CSMD1: variants seen among roughly 807,000 people sequenced by gnomAD.
The protein encoded by CSMD1 is CUB and Sushi multiple domains 1, also known as CUB and sushi domain-containing protein 1.
Under a neutral mutation model 417.5 loss-of-function variants are expected in CSMD1, and 213 were observed. That is an observed-to-expected ratio of 0.51 (90% CI 0.46 to 0.57). The LOEUF is 0.57. Among genes scored for constraint, CSMD1 ranks in the 20% least tolerant of loss-of-function variants. The pLI, the probability that CSMD1 is intolerant of heterozygous loss-of-function variation, is 0.00. For synonymous variants in CSMD1, 2,862 were observed against 1,736.8 expected, an observed-to-expected ratio of 1.65 and a Z score of -16.11; for missense variants, 6,923 against 4,529.7, an observed-to-expected ratio of 1.53 and a Z score of -15.17.
chr8:3,587,313 A>G (rs528653462), intron 8 of CSMD1, among the ~76,000 whole-genome samples: 20 of 152,342 alleles, frequency 1.3e-4, no homozygotes, highest in African/African-American at 4.8e-4. Flanking sequence ...GGCTTCTGGC[A>G]TTGAATTAAA....
At chr8:4,990,983 C>T (rs956910207) in intron 1 of CSMD1, among the ~76,000 whole-genome samples, 2 of 152,096 alleles carry the variant, frequency 1.3e-5, no homozygotes, top group South Asian at 2.1e-4. Flanking sequence ...AATGTTCCAC[C>T]TTTCTCTTTC....
intron 26 of CSMD1, among the ~76,000 whole-genome samples, chr8:3,274,612 C>T (rs1220951548): frequency 1.3e-5 from 2 of 152,008 alleles, no homozygotes; most frequent in East Asian, 3.9e-4. Flanking sequence ...CTGGGTGCTC[C>T]TGTATTGGGT....
chr8:4,200,900 C>T (rs542416881), intron 3 of CSMD1, among the ~76,000 whole-genome samples: 1 of 152,238 alleles, frequency 6.6e-6, no homozygotes, highest in South Asian at 2.1e-4. Context: ...TTAAGAAACG[C>T]TAAGCTAGTT....
intron 1 of CSMD1, among the ~76,000 whole-genome samples, chr8:4,899,850 T>C (rs1804752181): frequency 6.6e-6 from 1 of 152,156 alleles, no homozygotes; most frequent in East Asian, 1.9e-4. Context: ...TGCAGATAGC[T>C]TTTTCTCTGG....
At chr8:4,156,625 GT>G (rs1796848833) in intron 3 of CSMD1, among the ~76,000 whole-genome samples, 1 of 151,994 alleles carries the variant, frequency 6.6e-6, no homozygotes, top group African/African-American at 2.4e-5. Flanking sequence ...GGAAACAGTA[GT>G]TTTTGCTATT....
intron 5 of CSMD1, among the ~76,000 whole-genome samples, chr8:3,891,679 T>C (rs1276076966): frequency 5.3e-5 from 6 of 113,478 alleles, no homozygotes; most frequent in Admixed American, 2.2e-4. Context: ...CAAGACCTTG[T>C]CTCAAAACGA....
intron 23 of CSMD1, among the ~76,000 whole-genome samples, chr8:3,339,388 G>A (rs117483011): frequency 0.037 from 5,584 of 152,158 alleles, 133 homozygotes; most frequent in Non-Finnish European, 0.056. Context: ...TAAGAGCCAA[G>A]GGTAGGGGGG....
At chr8:3,517,364 G>A (rs965957396) in intron 10 of CSMD1, among the ~76,000 whole-genome samples, 2 of 152,190 alleles carry the variant, frequency 1.3e-5, no homozygotes, top group Non-Finnish European at 2.9e-5. Flanking sequence ...CTATAGTGGT[G>A]TTATTAAGTG....
Position 3,108,613 on chromosome 8 carries a change from G to T in CSMD1, c.6744C>A (p.Leu2248=). 2 of 1,613,714 alleles carry T rather than the reference G, an allele frequency of 1.2e-6. No individual in the cohort carries two copies. The highest frequency in any genetic ancestry group is 1.1e-5 in the South Asian group (1 of 90,982). ...SDFSNGGFFV[L]NFHAFQLKKC... ...TGAAAATCAACTGACCGTGGAAATT[G>T]AGGACAAAGAAGCCTCCATTTGAAA... is the stretch of plus-strand genomic sequence containing the variant. The change falls in exon 44 of 70, where the codon CTC becomes CTA. Residue 2248 remains leucine (L), a synonymous_variant. Transcript: ENST00000635120.
chr8:3,603,686 C>T (rs571101569), intron 8 of CSMD1, among the ~76,000 whole-genome samples: 2 of 152,140 alleles, frequency 1.3e-5, no homozygotes, highest in Non-Finnish European at 2.9e-5. Flanking sequence ...TTTAAAATTC[C>T]CTCTTGTATT....
At chr8:3,031,723 C>A (rs77588702) in intron 50 of CSMD1, among the ~76,000 whole-genome samples, 1 of 151,906 alleles carries the variant, frequency 6.6e-6, no homozygotes, top group African/African-American at 2.4e-5. Context: ...GTTCACACAA[C>A]GGAATCAGAC....
At chr8:4,007,048 C>G (rs553338969) in intron 4 of CSMD1, among the ~76,000 whole-genome samples, 182 of 152,048 alleles carry the variant, frequency 1.2e-3, no homozygotes, top group African/African-American at 4.2e-3. Flanking sequence ...CCGTGTTAGC[C>G]AGGATGGTCT....
chr8:4,968,322 T>C (rs1810013174), intron 1 of CSMD1, among the ~76,000 whole-genome samples: 3 of 152,046 alleles, frequency 2.0e-5, no homozygotes, highest in African/African-American at 7.2e-5. Context: ...TTAAGAACAT[T>C]CACAAGATTG....
At chr8:3,596,140 G>T (rs769665762) in intron 8 of CSMD1, among the ~76,000 whole-genome samples, 2 of 152,174 alleles carry the variant, frequency 1.3e-5, no homozygotes, top group South Asian at 4.1e-4. Context: ...CTCGAGGGAG[G>T]AAACAGTGAG....
At chr8:4,806,250 G>A (rs560509108) in intron 1 of CSMD1, among the ~76,000 whole-genome samples, 22 of 152,264 alleles carry the variant, frequency 1.4e-4, no homozygotes, top group African/African-American at 4.8e-4. Flanking sequence ...TGAGGATCAT[G>A]CAGTGTGCAC....
chr8:3,498,095 T>C (rs984657598), intron 10 of CSMD1, among the ~76,000 whole-genome samples: 1 of 152,202 alleles, frequency 6.6e-6, no homozygotes, highest in South Asian at 2.1e-4. Context: ...TTTCTTCTTC[T>C]TTTTTCTTTC....
intron 12 of CSMD1, among the ~76,000 whole-genome samples, chr8:3,409,855 G>C (rs574551165): frequency 2.0e-5 from 3 of 152,252 alleles, no homozygotes; most frequent in Non-Finnish European, 2.9e-5. Flanking sequence ...ACACAGATAC[G>C]CTGACAACAC....
intron 3 of CSMD1, among the ~76,000 whole-genome samples, chr8:4,369,106 C>T (rs1802256973): frequency 1.3e-5 from 2 of 152,112 alleles, no homozygotes; most frequent in South Asian, 4.1e-4. Context: ...TTCCTCTTAA[C>T]ACTGATTTAG....
At chr8:4,858,938 A>G (rs915754265) in intron 1 of CSMD1, among the ~76,000 whole-genome samples, 4 of 151,152 alleles carry the variant, frequency 2.6e-5, no homozygotes, top group African/African-American at 9.7e-5. Context: ...ATGGAACCAA[A>G]AAAGAGCCCG....
Sources: gnomAD v4.1 joint callset for allele counts (sites outside exome capture counted in the v4.1 genomes callset) on GRCh38, gnomAD v4.1.1 for gene constraint, MANE v1.5 for transcripts, NCBI Gene and HGNC (gene_info 2026-07-23, HGNC 2026-07-21) for gene names.